Variants in TMEM184B observed in about 807,000 individuals in gnomAD.
The protein encoded by TMEM184B is putative MAPK-activating protein FM08.
TMEM184B carries 17 observed loss-of-function variants against 41.8 expected under a neutral mutation model. That is an observed-to-expected ratio of 0.41 (90% CI 0.28 to 0.61). The LOEUF is 0.61. Ranked by LOEUF, TMEM184B falls within the 20% of genes least tolerant of loss-of-function variation. The pLI is 0.34. For missense variants in TMEM184B, 393 were observed against 557.8 expected, an observed-to-expected ratio of 0.70 and a Z score of 2.98; for synonymous variants, 240 against 229.5, an observed-to-expected ratio of 1.05 and a Z score of -0.41.
intron 1 of TMEM184B, among the ~76,000 whole-genome samples, chr22:38,262,666 C>G (rs528311549): frequency 6.6e-6 from 1 of 152,334 alleles, no homozygotes; most frequent in East Asian, 1.9e-4. Flanking sequence ...AGTCAGCCAA[C>G]AGCAGTGTGT....
At chr22:38,240,917 C>T (rs2091891934) in intron 3 of TMEM184B, among the ~76,000 whole-genome samples, 1 of 152,088 alleles carries the variant, frequency 6.6e-6, no homozygotes, top group South Asian at 2.1e-4. Flanking sequence ...CAATCAAATA[C>T]AACAATATAC....
intron 5 of TMEM184B, among the ~76,000 whole-genome samples, chr22:38,228,085 G>A (rs1033152348): frequency 3.3e-5 from 5 of 152,324 alleles, no homozygotes; most frequent in African/African-American, 1.2e-4. Flanking sequence ...GGATCTGAGT[G>A]GGTCTTGCAG....
chr22:38,218,561 G>A (rs1429985957), downstream of TMEM184B, among the ~76,000 whole-genome samples: 1 of 152,198 alleles, frequency 6.6e-6, no homozygotes, highest in Non-Finnish European at 1.5e-5. Context: ...TAAGGGACCA[G>A]TTGGGCGAAG....
intron 4 of TMEM184B, 75 bp from the exon 5 acceptor site, chr22:38,230,819 C>A: frequency 7.1e-7 from 1 of 1,405,328 alleles, no homozygotes; most frequent in Non-Finnish European, 9.9e-7. Context: ...GTGGGGAAGG[C>A]CGCCCTCCCA....
intron 1 of TMEM184B, among the ~76,000 whole-genome samples, chr22:38,253,940 C>T (rs1435782089): frequency 6.6e-6 from 1 of 152,160 alleles, no homozygotes; most frequent in Non-Finnish European, 1.5e-5. Flanking sequence ...GTGGTTCACA[C>T]CTGTAATCCC....
intron 1 of TMEM184B, among the ~76,000 whole-genome samples, chr22:38,256,781 G>A (rs2092286636): frequency 1.3e-5 from 2 of 152,136 alleles, no homozygotes; most frequent in African/African-American, 4.8e-5. Flanking sequence ...TCCCCCAGAT[G>A]TAATGTTAAA....
At chr22:38,240,744 AAAAAAAAAAAAG>A (rs2091888162) in intron 3 of TMEM184B, among the ~76,000 whole-genome samples, 1 of 113,144 alleles carries the variant, frequency 8.8e-6, no homozygotes. Flanking sequence ...AAAAAAAAAA[AAAAAAAAAAAAG>A]CACAAGCAGG....
rs184050613 is a variant in TMEM184B at position 38,236,476 on chromosome 22, T to C, written c.359-5142A>G. 2.0e-4 allele frequency among the ~76,000 whole-genome samples: 30 copies of C among 151,980 alleles called. 1 individual carries two copies. Among genetic ancestry groups the C allele is most frequent in the Admixed American group, 1.2e-3 (19 of 15,248 alleles). ...TCAATATACTCAATATACGAAACCA[T>C]TTCCTTTTTTTGTTTTTTTTTTCTT... On this transcript the variant is annotated intron_variant, in intron 3 of 8. Coordinates refer to ENST00000361906, the MANE Select transcript of TMEM184B (RefSeq NM_012264.5).
rs1361345264 is a variant in TMEM184B, at chr22:38,226,489, G to A, written c.617+290C>T. ...GACCTCTTGGGGCTCTGACCCTCTCGCTCCCTGCCTCAGCAGTGGTCACTG... is the reference window on the plus strand; with the variant it reads ...GACCTCTTGGGGCTCTGACCCTCTCACTCCCTGCCTCAGCAGTGGTCACTG... On this transcript the variant is annotated intron_variant, in intron 6 of 8. Coordinates refer to ENST00000361906, the MANE Select transcript of TMEM184B (RefSeq NM_012264.5). This position sits in a 1 kb window ranked among gnomAD's most constrained non-coding sequence, Gnocchi z 4.6. 7 of 360,078 alleles carry A rather than the reference G, an allele frequency of 1.9e-5. No homozygotes were observed. Among genetic ancestry groups the A allele is most frequent in the South Asian group, 1.2e-4 (4 of 32,352 alleles). The allele number at this position is 360,078 out of a possible 1,614,324, so 22.3% of individuals were successfully genotyped here.
chr22:38,230,821 G>GC (rs1351036178), intron 4 of TMEM184B, 77 bp from the exon 5 acceptor site: 7 of 1,361,982 alleles, frequency 5.1e-6, no homozygotes. Flanking sequence ...GGGGAAGGCC[G>GC]CCCTCCCACC....
At chr22:38,249,204 CAATGGTG>C (rs2092108112) in intron 1 of TMEM184B, among the ~76,000 whole-genome samples, 1 of 152,194 alleles carries the variant, frequency 6.6e-6, no homozygotes, top group African/African-American at 2.4e-5. Context: ...GGCTAGAGTG[CAATGGTG>C]CAATCTCGGC....
intron 1 of TMEM184B, among the ~76,000 whole-genome samples, chr22:38,267,975 G>A (rs1254850949): frequency 6.6e-6 from 1 of 152,162 alleles, no homozygotes; most frequent in African/African-American, 2.4e-5. Flanking sequence ...AAATAGACAC[G>A]TGAACAAATG....
chr22:38,247,443 C>T (rs1273013772), intron 2 of TMEM184B, among the ~76,000 whole-genome samples: 3 of 152,298 alleles, frequency 2.0e-5, no homozygotes, highest in East Asian at 1.9e-4. Flanking sequence ...GGCCCTGGGA[C>T]GCAGGCAAGA....
At position 38,258,850 on chromosome 22, in the gene TMEM184B, C is replaced by T. The variant is rs919973835; in HGVS notation, c.-58-10831G>A. ...TTTCTGAGCGTTCTGAATTCTAGAA[C>T]AGCAGAGAAGGGGATGTGGGCCTGG... is the stretch of plus-strand genomic sequence containing the variant. On this transcript the variant is annotated intron_variant, in intron 1 of 8. Transcript: ENST00000361906. Among the ~76,000 whole-genome samples, 3 of 152,304 alleles carry T rather than the reference C, an allele frequency of 2.0e-5. No homozygotes were observed. In the South Asian group the frequency reaches 6.2e-4, roughly 32 times the overall value.
Position 38,219,833 on chromosome 22 carries a change from G to A in TMEM184B, c.*1636C>T, listed in dbSNP as rs1003602159. On this transcript the variant is annotated 3_prime_UTR_variant, in exon 9 of 9. Coordinates refer to ENST00000361906, the MANE Select transcript of TMEM184B (RefSeq NM_012264.5). The stretch of plus-strand genomic sequence containing the variant: ...TGCACCCACCCTCCCGGGCAGCTTG[G>A]GCCCAACTGCTCCGCCCCCCCAAGA... 1.0e-6 allele frequency: 1 copy of A among 985,390 alleles called. No individual in the cohort carries two copies. The highest frequency in any genetic ancestry group is 1.7e-5 in the African/African-American group (1 of 57,336). The allele number at this position is 985,390 out of a possible 1,614,324, so 61.0% of individuals were successfully genotyped here.
intron 1 of TMEM184B, among the ~76,000 whole-genome samples, chr22:38,266,943 C>T (rs1396252551): frequency 1.3e-5 from 2 of 151,952 alleles, no homozygotes; most frequent in Non-Finnish European, 2.9e-5. Context: ...ATTAGCCGGG[C>T]GCCGTGGCAG....
At chr22:38,271,577 G>C (rs1345202066) in intron 1 of TMEM184B, among the ~76,000 whole-genome samples, 2 of 152,106 alleles carry the variant, frequency 1.3e-5, no homozygotes, top group African/African-American at 4.8e-5. Flanking sequence ...CTGCGGCCAC[G>C]ATCCCCCTCC....
At chr22:38,246,155 G>C in intron 2 of TMEM184B, 55 bp from the exon 3 acceptor site, 5 of 1,577,270 alleles carry the variant, frequency 3.2e-6, no homozygotes, top group South Asian at 2.3e-5. Flanking sequence ...AGGGACGGGA[G>C]GGCAGGTGGG....
chr22:38,240,833 A>C (rs2091890626), intron 3 of TMEM184B, among the ~76,000 whole-genome samples: 1 of 152,160 alleles, frequency 6.6e-6, no homozygotes, highest in Non-Finnish European at 1.5e-5. Flanking sequence ...TCAGAATCTA[A>C]GACAGTGAAG....
Sources: allele counts gnomAD v4.1 joint callset (sites outside exome capture counted in the v4.1 genomes callset), GRCh38; gene constraint gnomAD v4.1.1; non-coding constraint Gnocchi (gnomAD v3.1); transcripts MANE v1.5; gene names NCBI Gene and HGNC (gene_info 2026-07-23, HGNC 2026-07-21).